The following CDH4 variants were observed in gnomAD, a reference collection of about 807,000 sequenced individuals.
CDH4 encodes cadherin 4, also known as cadherin-4.
In CDH4, 33 loss-of-function variants were observed where a neutral mutation model predicts 86.0. The observed-to-expected ratio is 0.38, with a 90% CI of 0.29 to 0.51. The LOEUF is 0.51. Ranked by LOEUF, CDH4 falls within the 20% of genes least tolerant of loss-of-function variation. The pLI, the probability that CDH4 is intolerant of heterozygous loss-of-function variation, is 0.86. For synonymous variants in CDH4, 555 were observed against 549.4 expected (o/e 1.01, Z -0.14); for missense variants, 1,114 against 1,307.4 (o/e 0.85, Z 2.28).
chr20:61,686,421 TTGCGTGTGTATGTGCGTG>T (rs1481836001), intron 2 of CDH4, among the ~76,000 whole-genome samples: 3 of 146,798 alleles, frequency 2.0e-5, no homozygotes, highest in Non-Finnish European at 3.0e-5. Context: ...GCCTGTACAT[TTGCGTGTGTATGTGCGTG>T]TGCGTGTGCA....
intron 2 of CDH4, among the ~76,000 whole-genome samples, chr20:61,640,316 T>TG (rs1331148643): frequency 6.6e-6 from 1 of 152,262 alleles, no homozygotes; most frequent in African/African-American, 2.4e-5. Flanking sequence ...TCACGGCCGA[T>TG]GCAGTAGCCC....
rs550959569 is a variant in CDH4 at position 61,709,640 on chromosome 20, G to A, written c.170-33923G>A. ...ATCACAGAGTGAGCAGAGGTGCATG[G>A]CAGAGAAGGTAGCATGGTTTCCAGA... is the stretch of plus-strand genomic sequence containing the variant. On this transcript the variant is annotated intron_variant, in intron 2 of 15. Transcript: ENST00000614565. This position sits in a 1 kb window ranked among gnomAD's most constrained non-coding sequence, Gnocchi z 4.8. Among the ~76,000 whole-genome samples the A allele has an allele frequency of 1.3e-3, 205 of 152,126 alleles. No homozygotes were observed. The highest frequency in any genetic ancestry group is 4.7e-3 in the African/African-American group (194 of 41,506).
chr20:61,629,343 G>A (rs548291859), intron 2 of CDH4, among the ~76,000 whole-genome samples: 1 of 152,284 alleles, frequency 6.6e-6, no homozygotes, highest in South Asian at 2.1e-4. Flanking sequence ...AGCCGGCAGG[G>A]AGAGCTGGAG....
At chr20:61,394,018 C>G (rs951456139) in intron 2 of CDH4, among the ~76,000 whole-genome samples, 8 of 152,150 alleles carry the variant, frequency 5.3e-5, no homozygotes, top group Non-Finnish European at 1.0e-4. Flanking sequence ...AATACAAATA[C>G]TTATATAAAT....
At chr20:61,885,672 G>A (rs779671499) in intron 7 of CDH4, among the ~76,000 whole-genome samples, 1 of 152,158 alleles carries the variant, frequency 6.6e-6, no homozygotes, top group Non-Finnish European at 1.5e-5. Context: ...GCCAGGCCCC[G>A]TGGTGACTCT....
In CDH4 at chr20:61,517,720, C is replaced by T. The variant is rs1324018348; in HGVS notation, c.170-225843C>T. Among the ~76,000 whole-genome samples, 2 of 152,212 alleles carry T rather than the reference C, an allele frequency of 1.3e-5. No homozygotes were observed. The highest frequency in any genetic ancestry group is 2.9e-5 in the Non-Finnish European group (2 of 68,042). The stretch of plus-strand genomic sequence containing the variant: ...TTGTCGGACGTGTTCAGGACAGGAA[C>T]AGCACACTCAAGGTCACCATTCGTC... On this transcript the variant is annotated intron_variant, in intron 2 of 15. Transcript: ENST00000614565. The surrounding 1 kb of genome is among the most constrained non-coding windows in gnomAD (Gnocchi z 6.6).
At chr20:61,570,854 C>A in intron 2 of CDH4, 2 of 695,680 alleles carry the variant, frequency 2.9e-6, no homozygotes, top group South Asian at 3.0e-5. Flanking sequence ...AAGTGTGTTG[C>A]GTTTGGATGT....
chr20:61,469,786 A>T (rs1218777526), intron 2 of CDH4, among the ~76,000 whole-genome samples: 1 of 152,156 alleles, frequency 6.6e-6, no homozygotes, highest in Non-Finnish European at 1.5e-5. Context: ...ATGGATATCC[A>T]GTTTTCCCAG....
At chr20:61,696,250 C>T (rs1248505962) in intron 2 of CDH4, among the ~76,000 whole-genome samples, 3 of 152,196 alleles carry the variant, frequency 2.0e-5, no homozygotes, top group Non-Finnish European at 4.4e-5. Flanking sequence ...CCAACAAGGC[C>T]GACTCGGGCA....
chr20:61,307,519 A>G (rs35059196), intron 2 of CDH4, among the ~76,000 whole-genome samples: 4,285 of 152,324 alleles, frequency 0.028, 86 homozygotes, highest in Non-Finnish European at 0.034. Context: ...GTTTTTCACT[A>G]TTAAAATGAG....
At position 61,484,242 on chromosome 20, in the gene CDH4, C is replaced by T. The variant is rs111620468; in HGVS notation, c.169+229305C>T. Among the ~76,000 whole-genome samples, 1,258 of 152,304 alleles carry T rather than the reference C, an allele frequency of 8.3e-3. 22 individuals carry two copies. The highest frequency in any genetic ancestry group is 0.029 in the African/African-American group (1,195 of 41,568). ...CTCAGAACAAAAACTTGCCACCATG[C>T]CATGTACATTCCCACGTTTTATTCT... On this transcript the variant is annotated intron_variant, in intron 2 of 15. Transcript: ENST00000614565.
intron 2 of CDH4, among the ~76,000 whole-genome samples, chr20:61,343,764 C>T (rs376145137): frequency 6.6e-6 from 1 of 152,082 alleles, no homozygotes; most frequent in South Asian, 2.1e-4. Flanking sequence ...GCACTTTTCC[C>T]GGCTCATATT....
At chr20:61,263,636 T>C (rs1201097765) in intron 2 of CDH4, among the ~76,000 whole-genome samples, 1 of 152,220 alleles carries the variant, frequency 6.6e-6, no homozygotes, top group Admixed American at 6.5e-5. Flanking sequence ...AGATTACAAA[T>C]TGTATTATTT....
At chr20:61,872,165 G>GGA (rs1983834119) in intron 6 of CDH4, among the ~76,000 whole-genome samples, 2 of 152,198 alleles carry the variant, frequency 1.3e-5, no homozygotes, top group African/African-American at 4.8e-5. Context: ...GCACAGTCCA[G>GGA]CAAATGTCCA....
At chr20:61,383,521 G>A (rs1372387459) in intron 2 of CDH4, among the ~76,000 whole-genome samples, 2 of 23,232 alleles carry the variant, frequency 8.6e-5, no homozygotes, top group Non-Finnish European at 1.6e-4. Context: ...ATATGAATAT[G>A]TATGAATATA....
intron 2 of CDH4, among the ~76,000 whole-genome samples, chr20:61,339,286 A>T (rs1186071146): frequency 6.6e-6 from 1 of 152,214 alleles, no homozygotes; most frequent in Non-Finnish European, 1.5e-5. Context: ...AGGGACTGGG[A>T]TGGAAGACAA....
chr20:61,540,400 A>T (rs998208601), intron 2 of CDH4, among the ~76,000 whole-genome samples: 1 of 152,176 alleles, frequency 6.6e-6, no homozygotes, highest in Non-Finnish European at 1.5e-5. Flanking sequence ...GAAAGGGATG[A>T]CCTCACATGA....
At chr20:61,769,275 A>T (rs911752416) in intron 3 of CDH4, among the ~76,000 whole-genome samples, 6 of 152,180 alleles carry the variant, frequency 3.9e-5, no homozygotes, top group African/African-American at 1.4e-4. Context: ...AGAGTTGTTA[A>T]GTCTTAGGTG....
Position 61,392,060 on chromosome 20 carries a change from G to A in CDH4, c.169+137123G>A, listed in dbSNP as rs2084989345. 6.6e-6 allele frequency among the ~76,000 whole-genome samples: 1 copy of A among 152,168 alleles called. No individual in the cohort carries two copies. The highest frequency in any genetic ancestry group is 1.5e-5 in the Non-Finnish European group (1 of 68,032). Reference sequence around the variant, plus strand: ...CAACCCTTCCCCCGCCTCGCTTGCCGTGGGTTTCAGCATCGCGGGGGCTGT... The same window carrying A: ...CAACCCTTCCCCCGCCTCGCTTGCCATGGGTTTCAGCATCGCGGGGGCTGT... On this transcript the variant is annotated intron_variant, in intron 2 of 15. Coordinates refer to ENST00000614565, the MANE Select transcript of CDH4 (RefSeq NM_001794.5). The surrounding 1 kb of genome is among the most constrained non-coding windows in gnomAD (Gnocchi z 5.7).
Sources: allele counts gnomAD v4.1 joint callset (sites outside exome capture counted in the v4.1 genomes callset), GRCh38; gene constraint gnomAD v4.1.1; non-coding constraint Gnocchi (gnomAD v3.1); transcripts MANE v1.5; gene names NCBI Gene and HGNC (gene_info 2026-07-23, HGNC 2026-07-21).